RBFOX1: variants seen among roughly 807,000 people sequenced by gnomAD.
RBFOX1 encodes RNA binding fox-1 homolog 1, also known as RNA binding protein fox-1 homolog 1.
RBFOX1 carries 8 observed loss-of-function variants against 57.7 expected under a neutral mutation model. The ratio of observed to expected loss-of-function variants is 0.14; its 90% CI spans 0.08 to 0.25. RBFOX1 has a LOEUF of 0.25. Among genes scored for constraint, RBFOX1 ranks in the 10% least tolerant of loss-of-function variants. RBFOX1 has a pLI of 1.00. For missense variants in RBFOX1, 611 were observed against 548.5 expected, an observed-to-expected ratio of 1.11 and a Z score of -1.14; for synonymous variants, 326 against 222.4, an observed-to-expected ratio of 1.47 and a Z score of -4.15.
intron 3 of RBFOX1, among the ~76,000 whole-genome samples, chr16:6,743,775 A>AAAAT (rs888281030): frequency 2.0e-5 from 3 of 148,756 alleles, no homozygotes; most frequent in East Asian, 3.9e-4. Context: ...AGAAGGAAGA[A>AAAAT]AAATAAATAA....
At chr16:7,330,526 A>G (rs1209691910) in intron 4 of RBFOX1, among the ~76,000 whole-genome samples, 15 of 132,742 alleles carry the variant, frequency 1.1e-4, no homozygotes, top group East Asian at 6.7e-4. Flanking sequence ...GTGTGTGTGT[A>G]GAGAGAGAGA....
At chr16:6,858,380 C>G (rs899534102) in intron 3 of RBFOX1, among the ~76,000 whole-genome samples, 1 of 152,164 alleles carries the variant, frequency 6.6e-6, no homozygotes, top group African/African-American at 2.4e-5. Context: ...ATACTTTCCT[C>G]TCCTTGTTGG....
chr16:5,875,316 A>G (rs1357113448), intron 4 of RBFOX1, among the ~76,000 whole-genome samples: 1 of 152,200 alleles, frequency 6.6e-6, no homozygotes, highest in African/African-American at 2.4e-5. Context: ...CCATATCTGA[A>G]CCAGGTTTGT....
intron 3 of RBFOX1, among the ~76,000 whole-genome samples, chr16:6,657,084 T>C (rs1214478476): frequency 5.2e-5 from 6 of 114,454 alleles, no homozygotes; most frequent in Non-Finnish European, 1.0e-4. Context: ...TCCCCTTTCC[T>C]CTCCTCCCCT....
chr16:7,332,651 G>A, intron 4 of RBFOX1: 1 of 515,842 alleles, frequency 1.9e-6, no homozygotes, highest in Non-Finnish European at 2.7e-6. Flanking sequence ...TCTGTCACTT[G>A]GTCTCTTGGT....
intron 14 of RBFOX1, among the ~76,000 whole-genome samples, chr16:7,692,033 C>G (rs1490401290): frequency 6.6e-6 from 1 of 152,100 alleles, no homozygotes; most frequent in Non-Finnish European, 1.5e-5. Context: ...AAATATTCAA[C>G]CAAAATATCT....
intron 2 of RBFOX1, among the ~76,000 whole-genome samples, chr16:6,352,599 C>G (rs1004526558): frequency 6.6e-6 from 1 of 152,166 alleles, no homozygotes. Context: ...ACAAAATCGT[C>G]TATTTATCCT....
intron 3 of RBFOX1, among the ~76,000 whole-genome samples, chr16:6,995,998 A>C (rs1048627432): frequency 6.6e-6 from 1 of 152,216 alleles, no homozygotes; most frequent in Non-Finnish European, 1.5e-5. Flanking sequence ...AAGTATATTT[A>C]TAGCATACAA....
chr16:6,274,650 A>C (rs2075596862), intron 1 of RBFOX1, among the ~76,000 whole-genome samples: 1 of 152,186 alleles, frequency 6.6e-6, no homozygotes, highest in South Asian at 2.1e-4. Flanking sequence ...ATCCCCTGAT[A>C]TCATACTATG....
At chr16:5,435,816 C>T (rs188675953) in intron 1 of RBFOX1, among the ~76,000 whole-genome samples, 2 of 152,354 alleles carry the variant, frequency 1.3e-5, no homozygotes, top group Admixed American at 6.5e-5. Flanking sequence ...TAGCATTCCA[C>T]TGTGTGGATA....
At chr16:7,369,941 G>A (rs901490050) in intron 4 of RBFOX1, among the ~76,000 whole-genome samples, 1 of 152,202 alleles carries the variant, frequency 6.6e-6, no homozygotes, top group Non-Finnish European at 1.5e-5. Flanking sequence ...TAACGGGCTT[G>A]CTTGAAGCCA....
chr16:6,007,773 T>C (rs1486215634), intron 4 of RBFOX1, among the ~76,000 whole-genome samples: 1 of 152,040 alleles, frequency 6.6e-6, no homozygotes, highest in Admixed American at 6.6e-5. Flanking sequence ...TGTTTTGAGC[T>C]GGAGATATGG....
chr16:6,005,000 AAAAC>A lies in RBFOX1; in HGVS notation c.351+137669_351+137672del, dbSNP rs781028454. On this transcript the variant is annotated intron_variant, in intron 4 of 19. Transcript: ENST00000641259. The stretch of plus-strand genomic sequence containing the variant: ...GAAATTTGTTTTGTTGCTAAAAAAC[AAAAC>A]AAAACAAAACAAAACTTGGGGGAAC... 1.3e-3 allele frequency among the ~76,000 whole-genome samples: 145 copies of A among 114,744 alleles called. 2 individuals are homozygous for A. The highest frequency in any genetic ancestry group is 1.8e-3 in the South Asian group (7 of 3,906). 75.3% of individuals were successfully genotyped at this position (114,744 alleles called of 152,430 possible). A position where few individuals can be genotyped will look rare whatever the true frequency, so the allele number is the denominator to read the frequency against.
chr16:7,535,900 T>G (rs906260270), intron 5 of RBFOX1, among the ~76,000 whole-genome samples: 2 of 152,214 alleles, frequency 1.3e-5, no homozygotes, highest in African/African-American at 4.8e-5. Flanking sequence ...GTATTGTTCA[T>G]TTATTCCTGA....
chr16:6,320,524 G>C (rs923051200), intron 2 of RBFOX1, among the ~76,000 whole-genome samples: 1 of 151,876 alleles, frequency 6.6e-6, no homozygotes, highest in Non-Finnish European at 1.5e-5. Flanking sequence ...TTTAAATTGC[G>C]AAGATTTAAG....
chr16:6,602,824 C>G lies in RBFOX1; in HGVS notation c.-63-51779C>G, dbSNP rs149448281. Among the ~76,000 whole-genome samples, 6 of 152,264 alleles carry G rather than the reference C, an allele frequency of 3.9e-5. No homozygotes were observed. The East Asian group carries it at 5.8e-4, about 15-fold the overall frequency. On this transcript the variant is annotated intron_variant, in intron 2 of 15. Coordinates refer to ENST00000550418, the MANE Select transcript of RBFOX1 (RefSeq NM_018723.4). ...GTAGAATTCAAGATCAGAAAGACAA[C>G]TGGAGCTCATGCCCCACACACCCCC...
chr16:6,997,935 G>T (rs1452393747), intron 3 of RBFOX1, among the ~76,000 whole-genome samples: 1 of 151,960 alleles, frequency 6.6e-6, no homozygotes, highest in East Asian at 1.9e-4. Flanking sequence ...GAATTCTCAT[G>T]TCTATTTTAA....
At chr16:6,125,164 C>A (rs959413413) in intron 1 of RBFOX1, among the ~76,000 whole-genome samples, 7 of 152,324 alleles carry the variant, frequency 4.6e-5, no homozygotes, top group South Asian at 2.1e-4. Flanking sequence ...GTGCAGCTCC[C>A]TGTGCATGTG....
At chr16:7,185,348 T>C (rs1045303179) in intron 4 of RBFOX1, among the ~76,000 whole-genome samples, 1 of 152,204 alleles carries the variant, frequency 6.6e-6, no homozygotes, top group Non-Finnish European at 1.5e-5. Context: ...AATCACAGAA[T>C]CTCAGCCATG....
Sources: gnomAD v4.1 joint callset for allele counts (sites outside exome capture counted in the v4.1 genomes callset) on GRCh38, gnomAD v4.1.1 for gene constraint, MANE v1.5 for transcripts, NCBI Gene and HGNC (gene_info 2026-07-23, HGNC 2026-07-21) for gene names.